Variants in DTWD2 observed in about 807,000 individuals in gnomAD.
DTWD2 encodes DTW motif tRNA-uridine aminocarboxypropyltransferase 2, also known as tRNA-uridine aminocarboxypropyltransferase 2.
Under a neutral mutation model 31.8 loss-of-function variants are expected in DTWD2, and 39 were observed. The ratio of observed to expected loss-of-function variants is 1.22; its 90% CI spans 0.95 to 1.60. The LOEUF (loss-of-function observed/expected upper bound fraction) is 1.60. Ranked by LOEUF, DTWD2 falls within the 40% of genes most tolerant of loss-of-function variation. The probability of loss-of-function intolerance (pLI) is 0.00; values close to 1 mark genes in which losing one functional copy is unlikely to be tolerated. For synonymous variants in DTWD2, 180 were observed against 142.8 expected (o/e 1.26, Z -1.86); for missense variants, 515 against 381.5 (o/e 1.35, Z -2.92).
At chr5:118,923,434 T>C (rs1055093545) in intron 4 of DTWD2, among the ~76,000 whole-genome samples, 1 of 152,144 alleles carries the variant, frequency 6.6e-6, no homozygotes, top group African/African-American at 2.4e-5. Flanking sequence ...CTTCCGGGTA[T>C]ACACCACCGG....
chr5:118,851,616 T>C (rs1214117648), intron 4 of DTWD2, among the ~76,000 whole-genome samples: 2 of 137,990 alleles, frequency 1.4e-5, no homozygotes, highest in Non-Finnish European at 3.0e-5. Flanking sequence ...ATAAACATCT[T>C]AACAGAAAAC....
At chr5:118,959,911 G>A (rs1037540024) in intron 1 of DTWD2, among the ~76,000 whole-genome samples, 1 of 152,070 alleles carries the variant, frequency 6.6e-6, no homozygotes, top group Admixed American at 6.5e-5. Flanking sequence ...ACTGAAACTA[G>A]ACCTCTTCCT....
intron 4 of DTWD2, among the ~76,000 whole-genome samples, chr5:118,880,833 G>A (rs1752724704): frequency 6.6e-6 from 1 of 152,134 alleles, no homozygotes; most frequent in Non-Finnish European, 1.5e-5. Context: ...TCTTTAGTTT[G>A]AAGAAGTATT....
chr5:118,930,264 T>G (rs1157543885), intron 3 of DTWD2, among the ~76,000 whole-genome samples: 1 of 152,202 alleles, frequency 6.6e-6, no homozygotes, highest in Non-Finnish European at 1.5e-5. Context: ...TTCAAAAATG[T>G]GTCAAAGCTT....
chr5:118,870,442 G>A (rs1752476978), intron 4 of DTWD2, among the ~76,000 whole-genome samples: 1 of 152,150 alleles, frequency 6.6e-6, no homozygotes, highest in South Asian at 2.1e-4. Flanking sequence ...GCAGGTTTAA[G>A]TTCCAGACAA....
chr5:118,950,116 G>A (rs1378188621), intron 1 of DTWD2, among the ~76,000 whole-genome samples: 1 of 148,840 alleles, frequency 6.7e-6, no homozygotes, highest in East Asian at 1.9e-4. Flanking sequence ...AGGTTGAGGT[G>A]GGAGAATGGT....
chr5:118,893,037 T>C (rs1753007458), intron 4 of DTWD2, among the ~76,000 whole-genome samples: 1 of 151,894 alleles, frequency 6.6e-6, no homozygotes, highest in African/African-American at 2.4e-5. Flanking sequence ...TATATATATA[T>C]ACGCAAAGGA....
At position 118,853,940 on chromosome 5, in the gene DTWD2, G is replaced by A. The variant is rs1394251853; in HGVS notation, c.598-5722C>T. ...GGAAGAAGATGTGGGGATAAGGAGT[G>A]GAGAAAGGGACTGTTTAAGAAGGTT... On this transcript the variant is annotated intron_variant, in intron 4 of 5. Transcript: ENST00000510708. Among the ~76,000 whole-genome samples, 4 of 152,272 alleles carry A rather than the reference G, an allele frequency of 2.6e-5. No individual in the cohort carries two copies. The East Asian group carries it at 5.8e-4, about 22-fold the overall frequency.
intron 4 of DTWD2, among the ~76,000 whole-genome samples, chr5:118,855,525 C>T (rs1014857085): frequency 2.0e-5 from 3 of 151,884 alleles, no homozygotes; most frequent in African/African-American, 4.8e-5. Flanking sequence ...AAAGAAAACA[C>T]TAACCTAAAT....
At chr5:118,925,996 G>A (rs762655245) in intron 4 of DTWD2, among the ~76,000 whole-genome samples, 6 of 152,124 alleles carry the variant, frequency 3.9e-5, no homozygotes, top group African/African-American at 9.7e-5. Context: ...TTGGGAAGCC[G>A]AGGTAGGGAG....
intron 5 of DTWD2, among the ~76,000 whole-genome samples, chr5:118,845,257 A>G (rs1463440106): frequency 6.6e-6 from 1 of 152,224 alleles, no homozygotes; most frequent in Admixed American, 6.5e-5. Flanking sequence ...GTTTTATTAG[A>G]ATGCCCCTGA....
At chr5:118,858,613 A>G (rs1288788065) in intron 4 of DTWD2, among the ~76,000 whole-genome samples, 1 of 152,202 alleles carries the variant, frequency 6.6e-6, no homozygotes, top group East Asian at 1.9e-4. Context: ...CATTTTGCCA[A>G]TCCTGCCTGT....
chr5:118,886,192 T>G (rs1456316309), intron 4 of DTWD2, among the ~76,000 whole-genome samples: 1 of 152,222 alleles, frequency 6.6e-6, no homozygotes, highest in Non-Finnish European at 1.5e-5. Context: ...CTCTAATATT[T>G]ACCAAGTCTC....
At chr5:118,879,998 G>A (rs1486627183) in intron 4 of DTWD2, among the ~76,000 whole-genome samples, 2 of 152,142 alleles carry the variant, frequency 1.3e-5, no homozygotes, top group East Asian at 1.9e-4. Flanking sequence ...TGCAAAGCGC[G>A]ATAGAGTGAA....
intron 4 of DTWD2, among the ~76,000 whole-genome samples, chr5:118,907,885 T>C (rs998165974): frequency 6.6e-6 from 1 of 152,208 alleles, no homozygotes; most frequent in Admixed American, 6.5e-5. Context: ...ACCCATATTA[T>C]GGCAGACAAT....
chr5:118,973,936 G>A (rs1755061745), intron 1 of DTWD2: 4 of 1,593,760 alleles, frequency 2.5e-6, no homozygotes, highest in African/African-American at 2.7e-5. Flanking sequence ...GGGAGCAGGA[G>A]GCTGACAATG....
intron 4 of DTWD2, among the ~76,000 whole-genome samples, chr5:118,899,098 TC>T (rs1438187622): frequency 6.6e-6 from 1 of 152,236 alleles, no homozygotes; most frequent in African/African-American, 2.4e-5. Flanking sequence ...TGTGTCTTTT[TC>T]ACAGCCTATT....
chr5:118,986,264 G>A (rs1240194141), intron 1 of DTWD2, among the ~76,000 whole-genome samples: 3 of 152,128 alleles, frequency 2.0e-5, no homozygotes, highest in Non-Finnish European at 4.4e-5. Context: ...ATGGAATACA[G>A]GCAGGTTTTG....
chr5:118,898,668 A>G (rs1156430381), intron 4 of DTWD2, among the ~76,000 whole-genome samples: 1 of 151,814 alleles, frequency 6.6e-6, no homozygotes, highest in African/African-American at 2.4e-5. Context: ...CAAAAAAAAA[A>G]AAAAAAAATG....
Sources: gnomAD v4.1 joint callset for allele counts (sites outside exome capture counted in the v4.1 genomes callset) on GRCh38, gnomAD v4.1.1 for gene constraint, MANE v1.5 for transcripts, NCBI Gene and HGNC (gene_info 2026-07-23, HGNC 2026-07-21) for gene names.